The following PSORS1C1 variants were observed in gnomAD, a reference collection of about 807,000 sequenced individuals.
The protein encoded by PSORS1C1 is psoriasis susceptibility 1 candidate gene 1 protein.
Under a neutral mutation model 9.4 loss-of-function variants are expected in PSORS1C1, and 7 were observed. The ratio of observed to expected loss-of-function variants is 0.75; its 90% CI spans 0.42 to 1.40. The LOEUF (loss-of-function observed/expected upper bound fraction) is 1.40. PSORS1C1 is among the 40% of genes most tolerant of loss of function. The pLI, the probability that PSORS1C1 is intolerant of heterozygous loss-of-function variation, is 0.01. For missense variants in PSORS1C1, 146 were observed against 178.1 expected, an observed-to-expected ratio of 0.82 and a Z score of 1.02; for synonymous variants, 63 against 69.4, an observed-to-expected ratio of 0.91 and a Z score of 0.46.
At chr6:31,138,806 C>T in intron 5 of PSORS1C1, 27 bp downstream of exon 5, 1 of 1,613,998 alleles carries the variant, frequency 6.2e-7, no homozygotes, top group Non-Finnish European at 8.5e-7. Flanking sequence ...CCTTCTGCAC[C>T]ATGTCCCCCA....
In PSORS1C1 at chr6:31,138,659, C is replaced by T; in HGVS notation, c.47C>T (p.Thr16Ile). The change falls in exon 5 of 6, where the codon ACA becomes ATA. Residue 16 changes from threonine to isoleucine, a missense_variant. Physicochemically the swap from Thr to Ile is moderately conservative, Grantham distance 89. Transcript: ENST00000259881. ...QKSHSQRALGTQTPALQGPQL... is the reference protein window; with the variant it reads ...QKSHSQRALGIQTPALQGPQL... ...TGGGTTACACCTTGGCCCCCAGGCA[C>T]ACAGACCCCAGCTTTACAAGGACCC... 1 of 1,613,256 alleles carries T rather than the reference C, an allele frequency of 6.2e-7. No homozygotes were observed. Among genetic ancestry groups the T allele is most frequent in the South Asian group, 1.1e-5 (1 of 91,076 alleles).
rs898069886 is a variant in PSORS1C1, at chr6:31,137,687, T to A, written c.14-743T>A. ...GCAGGAAGACCGGGTGGGAGGTAGG[T>A]GCGGCCGAGGCCTGGAGGCGAGGTA... On this transcript the variant is annotated intron_variant, in intron 3 of 5. Transcript: ENST00000259881. 1.5e-4 allele frequency: 58 copies of A among 377,630 alleles called. No individual in the cohort carries two copies. In the Admixed American group the frequency reaches 1.7e-3, roughly 11 times the overall value. 23.4% of individuals were successfully genotyped at this position (377,630 alleles called of 1,614,324 possible).
At chr6:31,114,969 G>T in intron 1 of PSORS1C1, 78 bp downstream of exon 1, 1 of 445,884 alleles carries the variant, frequency 2.2e-6, no homozygotes, top group Non-Finnish European at 4.5e-6. Flanking sequence ...AACACTGAGG[G>T]CCCTAAATAA....
chr6:31,116,541 G>A lies in PSORS1C1; in HGVS notation c.-229+1650G>A, dbSNP rs571980981. The A allele has an allele frequency of 3.6e-5, 58 of 1,613,868 alleles. 2 individuals are homozygous for A. The South Asian group carries it at 6.2e-4, about 17-fold the overall frequency. ...TGGCCGAGGAAGCTGCCGACTGGCTGGGGATGATGGGGTTGCTGGAGAAGT... is the reference window on the plus strand; with the variant it reads ...TGGCCGAGGAAGCTGCCGACTGGCTAGGGATGATGGGGTTGCTGGAGAAGT... On this transcript the variant is annotated intron_variant, in intron 1 of 5. Transcript: ENST00000259881.
chr6:31,114,987 G>A, intron 1 of PSORS1C1, 96 bp downstream of exon 1: 1 of 433,154 alleles, frequency 2.3e-6, no homozygotes, highest in Non-Finnish European at 4.6e-6. Context: ...TAAGGGGAAG[G>A]GGGACCCCAC....
rs200396521 is a variant in PSORS1C1 at position 31,117,164 on chromosome 6, T to A, written c.-229+2273T>A. ...CTGCTGCTGCTCGAATGAGAGCTGC[T>A]GCTTCCCGAGTGAGAGCCGCTGTTT... On this transcript the variant is annotated intron_variant, in intron 1 of 5. Transcript: ENST00000259881. The A allele has an allele frequency of 9.7e-4, 1,555 of 1,606,406 alleles. 23 individuals are homozygous for A. In the East Asian group the frequency reaches 0.027, roughly 28 times the overall value.
intron 1 of PSORS1C1, chr6:31,117,426 G>T (rs140309252): frequency 6.4e-7 from 1 of 1,560,298 alleles, no homozygotes; most frequent in Non-Finnish European, 8.7e-7. Flanking sequence ...TACTGAAACC[G>T]CTGGAGTCAC....
At chr6:31,138,147 G>C in intron 3 of PSORS1C1, 1 of 1,604,692 alleles carries the variant, frequency 6.2e-7, no homozygotes, top group South Asian at 1.1e-5. Context: ...GTCTCTCCAG[G>C]GACGACTGGG....
chr6:31,136,466 C>T (rs1773142970), intron 3 of PSORS1C1, among the ~76,000 whole-genome samples: 1 of 151,812 alleles, frequency 6.6e-6, no homozygotes, highest in South Asian at 2.1e-4. Context: ...TCCTATTGAC[C>T]TTTGGCGGCT....
intron 1 of PSORS1C1, among the ~76,000 whole-genome samples, chr6:31,124,741 AGGTG>A (rs1282469245): frequency 8.5e-5 from 13 of 152,332 alleles, no homozygotes; most frequent in African/African-American, 3.1e-4. Context: ...AGGCCAAGGC[AGGTG>A]GATCACTTGA....
At chr6:31,118,228 G>A (rs1448444138) in intron 1 of PSORS1C1, 1 of 152,564 alleles carries the variant, frequency 6.6e-6, no homozygotes, top group Non-Finnish European at 1.5e-5. Context: ...GGCACTCGAG[G>A]ACTAAGATTT....
chr6:31,139,777 C>G lies in PSORS1C1; in HGVS notation c.304C>G (p.Pro102Ala). ...SHPELFASVL[P>A]MAPEEAARLQ... Reference sequence around the variant, plus strand: ...CCCAGAGCTGTTTGCATCAGTCCTGCCAATGGCTCCGGAAGAAGCTGCCAG... The same window carrying G: ...CCCAGAGCTGTTTGCATCAGTCCTGGCAATGGCTCCGGAAGAAGCTGCCAG... The change falls in exon 6 of 6, where the codon CCA becomes GCA. Residue 102 changes from proline (P) to alanine (A), a missense_variant. By Grantham distance (27) the Pro-to-Ala change is conservative. Transcript: ENST00000259881. This position sits in a 1 kb window ranked among gnomAD's most constrained non-coding sequence, Gnocchi z 5.2. The G allele has an allele frequency of 6.2e-7, 1 of 1,613,112 alleles. No individual in the cohort carries two copies. Among genetic ancestry groups the G allele is most frequent in the Non-Finnish European group, 8.5e-7 (1 of 1,180,038 alleles).
At chr6:31,132,057 G>A (rs1383319463) in intron 3 of PSORS1C1, among the ~76,000 whole-genome samples, 2 of 152,012 alleles carry the variant, frequency 1.3e-5, no homozygotes, top group Non-Finnish European at 2.9e-5. Context: ...ACCAGGTTGG[G>A]CAATATAGTA....
intron 3 of PSORS1C1, among the ~76,000 whole-genome samples, chr6:31,136,276 A>G (rs145162876): frequency 6.6e-6 from 1 of 150,656 alleles, no homozygotes; most frequent in Non-Finnish European, 1.5e-5. Context: ...AATCCCAGCT[A>G]CTCGGGAGGT....
intron 1 of PSORS1C1, chr6:31,117,909 G>T: frequency 3.7e-6 from 1 of 272,682 alleles, no homozygotes; most frequent in South Asian, 4.8e-5. Context: ...GACCAGCCTG[G>T]GCAACATAGA....
chr6:31,124,011 C>T (rs932845710), intron 1 of PSORS1C1, among the ~76,000 whole-genome samples: 1 of 152,074 alleles, frequency 6.6e-6, no homozygotes, highest in South Asian at 2.1e-4. Flanking sequence ...TTAGAACCAG[C>T]GGATGGCGTG....
intron 3 of PSORS1C1, 169 bp from the exon 4 acceptor site, chr6:31,138,261 T>C: frequency 6.3e-7 from 1 of 1,574,868 alleles, no homozygotes; most frequent in Non-Finnish European, 8.6e-7. Flanking sequence ...CTCCTCTCGG[T>C]CCTCTGCGGG....
rs546746633 is a variant in PSORS1C1 at position 31,128,915 on chromosome 6, G to A, written c.-64-654G>A. On this transcript the variant is annotated intron_variant, in intron 2 of 5. Coordinates refer to ENST00000259881, the MANE Select transcript of PSORS1C1 (RefSeq NM_014068.3). The surrounding 1 kb of genome is among the most constrained non-coding windows in gnomAD (Gnocchi z 4.3). ...CTTGAGGGCAGGGAGGACTGAAACTGCTTCCTGGGACTGTCACCATCACAT... is the reference window on the plus strand; with the variant it reads ...CTTGAGGGCAGGGAGGACTGAAACTACTTCCTGGGACTGTCACCATCACAT... 6.6e-6 allele frequency among the ~76,000 whole-genome samples: 1 copy of A among 152,316 alleles called. No individual in the cohort carries two copies. Among genetic ancestry groups the A allele is most frequent in the Non-Finnish European group, 1.5e-5 (1 of 68,024 alleles).
chr6:31,115,959 C>G lies in PSORS1C1; in HGVS notation c.-229+1068C>G, dbSNP rs1480878178. 52 of 1,429,670 alleles carry G rather than the reference C, an allele frequency of 3.6e-5. 1 individual carries two copies. The highest frequency in any genetic ancestry group is 5.1e-5 in the Non-Finnish European group (52 of 1,017,162). The allele number at this position is 1,429,670 out of a possible 1,614,324, so 88.6% of individuals were successfully genotyped here. ...CCTATGCCTGGGCACTGGACTTCTCCCATATGGGATATAGTGTATGTGCTT... is the reference window on the plus strand; with the variant it reads ...CCTATGCCTGGGCACTGGACTTCTCGCATATGGGATATAGTGTATGTGCTT... On this transcript the variant is annotated intron_variant, in intron 1 of 5. Coordinates refer to ENST00000259881, the MANE Select transcript of PSORS1C1 (RefSeq NM_014068.3). This position sits in a 1 kb window ranked among gnomAD's most constrained non-coding sequence, Gnocchi z 4.2.
Sources: allele counts gnomAD v4.1 joint callset (sites outside exome capture counted in the v4.1 genomes callset), GRCh38; gene constraint gnomAD v4.1.1; non-coding constraint Gnocchi (gnomAD v3.1); transcripts MANE v1.5; gene names NCBI Gene and HGNC (gene_info 2026-07-23, HGNC 2026-07-21).